Variants in FRMD4A observed in about 807,000 individuals in gnomAD.
FRMD4A encodes FERM domain-containing protein 4A.
FRMD4A carries 29 observed loss-of-function variants against 129.1 expected under a neutral mutation model. The observed-to-expected ratio is 0.22, with a 90% CI of 0.17 to 0.31. FRMD4A has a LOEUF of 0.31. Ranked by LOEUF, FRMD4A falls within the 10% of genes least tolerant of loss-of-function variation. The pLI is 1.00. For missense variants in FRMD4A, 1,272 were observed against 1,375.8 expected, an observed-to-expected ratio of 0.92 and a Z score of 1.19; for synonymous variants, 634 against 571.6, an observed-to-expected ratio of 1.11 and a Z score of -1.56.
intron 2 of FRMD4A, among the ~76,000 whole-genome samples, chr10:14,031,047 A>T (rs1390882319): frequency 6.6e-6 from 1 of 152,126 alleles, no homozygotes; most frequent in East Asian, 1.9e-4. Context: ...ATAATAACTC[A>T]TCTTTTCTCA....
chr10:14,195,187 T>C (rs1267253657), intron 2 of FRMD4A, among the ~76,000 whole-genome samples: 3 of 152,198 alleles, frequency 2.0e-5, no homozygotes, highest in Admixed American at 1.3e-4. Flanking sequence ...TTATGTAGGC[T>C]AGATGTCCTA....
chr10:14,261,577 G>C (rs1231579423), intron 2 of FRMD4A, among the ~76,000 whole-genome samples: 1 of 152,174 alleles, frequency 6.6e-6, no homozygotes, highest in East Asian at 1.9e-4. Context: ...TGGTCTTCCA[G>C]GGAATATGCC....
At chr10:14,158,440 A>C (rs1840708133) in intron 2 of FRMD4A, among the ~76,000 whole-genome samples, 1 of 151,786 alleles carries the variant, frequency 6.6e-6, no homozygotes, top group Admixed American at 6.6e-5. Flanking sequence ...GCAAGACCCC[A>C]CCTCTACAAA....
chr10:13,925,455 AC>A (rs2131269724), intron 2 of FRMD4A, among the ~76,000 whole-genome samples: 1 of 152,002 alleles, frequency 6.6e-6, no homozygotes, highest in East Asian at 1.9e-4. Flanking sequence ...ATTTAATTGC[AC>A]AAAAGGCAGC....
chr10:14,220,368 C>A (rs556821763), intron 2 of FRMD4A, among the ~76,000 whole-genome samples: 91 of 152,216 alleles, frequency 6.0e-4, no homozygotes, highest in South Asian at 5.0e-3. Flanking sequence ...TAAAATTGGC[C>A]GTCAACATAA....
At chr10:14,226,529 G>A (rs537361760) in intron 2 of FRMD4A, among the ~76,000 whole-genome samples, 38 of 152,238 alleles carry the variant, frequency 2.5e-4, no homozygotes, top group African/African-American at 7.7e-4. Context: ...GGTTCCTTCC[G>A]GGCGCCATAC....
At chr10:13,676,574 C>T (rs1010475271) in intron 15 of FRMD4A, among the ~76,000 whole-genome samples, 4 of 152,032 alleles carry the variant, frequency 2.6e-5, no homozygotes, top group Non-Finnish European at 5.9e-5. Context: ...CGCGCCCAGC[C>T]GATTACAACT....
At chr10:14,187,756 A>G (rs953302957) in intron 2 of FRMD4A, among the ~76,000 whole-genome samples, 1 of 152,168 alleles carries the variant, frequency 6.6e-6, no homozygotes, top group Admixed American at 6.5e-5. Flanking sequence ...AAGGAACTCA[A>G]TAAATACTTG....
intron 3 of FRMD4A, among the ~76,000 whole-genome samples, chr10:13,826,142 C>T (rs1296553146): frequency 6.6e-6 from 1 of 152,350 alleles, no homozygotes; most frequent in East Asian, 1.9e-4. Flanking sequence ...GGACCTGGTA[C>T]ATGAGAGGTG....
chr10:13,650,127 C>A (rs1333490922), intron 24 of FRMD4A, among the ~76,000 whole-genome samples: 2 of 152,234 alleles, frequency 1.3e-5, no homozygotes, highest in African/African-American at 4.8e-5. Flanking sequence ...ATGGCAAATT[C>A]ACCCACATCT....
At chr10:13,734,647 C>T (rs2090517504) in intron 12 of FRMD4A, among the ~76,000 whole-genome samples, 1 of 111,032 alleles carries the variant, frequency 9.0e-6, no homozygotes, top group Non-Finnish European at 2.2e-5. Flanking sequence ...GGGGACTTCT[C>T]TTCTCCTTAC....
chr10:14,088,636 C>T (rs111779780), intron 2 of FRMD4A, among the ~76,000 whole-genome samples: 23,159 of 151,188 alleles, frequency 0.15, 2,164 homozygotes, highest in African/African-American at 0.25. Flanking sequence ...GACGTGATGG[C>T]GCATGCCTGT....
intron 2 of FRMD4A, among the ~76,000 whole-genome samples, chr10:13,958,286 T>TTC (rs1415086712): frequency 2.8e-5 from 4 of 144,422 alleles, no homozygotes; most frequent in African/African-American, 1.1e-4. Context: ...CCATTGTTTT[T>TTC]TTTTTTTTTT....
At chr10:13,673,769 CTTTTT>C (rs1156236426) in intron 16 of FRMD4A, among the ~76,000 whole-genome samples, 1 of 94,282 alleles carries the variant, frequency 1.1e-5, no homozygotes, top group African/African-American at 4.7e-5. Context: ...GAAAGCATTG[CTTTTT>C]TTTTTTTTTT....
intron 2 of FRMD4A, among the ~76,000 whole-genome samples, chr10:13,887,313 G>T (rs2094634971): frequency 6.6e-6 from 1 of 152,202 alleles, no homozygotes; most frequent in South Asian, 2.1e-4. Flanking sequence ...ATTCTTAGCA[G>T]TGACTTCCAT....
intron 2 of FRMD4A, among the ~76,000 whole-genome samples, chr10:14,161,339 A>C (rs1025358848): frequency 1.8e-4 from 28 of 152,256 alleles, no homozygotes; most frequent in African/African-American, 6.5e-4. Context: ...AAGGAAAGGA[A>C]ATCAGTGTAT....
At chr10:14,217,232 A>T (rs552090500) in intron 2 of FRMD4A, among the ~76,000 whole-genome samples, 1 of 152,216 alleles carries the variant, frequency 6.6e-6, no homozygotes, top group Non-Finnish European at 1.5e-5. Flanking sequence ...GGAGCCCATG[A>T]TTTCTACTTT....
At chr10:13,905,619 A>G (rs1005486177) in intron 2 of FRMD4A, among the ~76,000 whole-genome samples, 5 of 152,230 alleles carry the variant, frequency 3.3e-5, no homozygotes, top group Admixed American at 6.5e-5. Context: ...GTTGAGTGCC[A>G]TGCACATTAC....
intron 24 of FRMD4A, chr10:13,647,604 G>A (rs1385144891): frequency 6.6e-6 from 1 of 151,948 alleles, no homozygotes; most frequent in Non-Finnish European, 1.5e-5. Flanking sequence ...GTGGTATTTT[G>A]AATTGTGTTT....
Sources: gnomAD v4.1 joint callset for allele counts (sites outside exome capture counted in the v4.1 genomes callset) on GRCh38, gnomAD v4.1.1 for gene constraint, MANE v1.5 for transcripts, NCBI Gene and HGNC (gene_info 2026-07-23, HGNC 2026-07-21) for gene names.